TSPAN5: variants seen among roughly 807,000 people sequenced by gnomAD.
TSPAN5 encodes the protein tetraspanin 5, also known as tetraspanin-5.
Under a neutral mutation model 37.1 loss-of-function variants are expected in TSPAN5, and 10 were observed. That is an observed-to-expected ratio of 0.27 (90% CI 0.17 to 0.46). TSPAN5 has a LOEUF of 0.46. Ranked by LOEUF, TSPAN5 falls within the 20% of genes least tolerant of loss-of-function variation. TSPAN5 has a pLI of 1.00. For synonymous variants in TSPAN5, 110 were observed against 118.9 expected, an observed-to-expected ratio of 0.93 and a Z score of 0.48; for missense variants, 195 against 326.6, an observed-to-expected ratio of 0.60 and a Z score of 3.11.
chr4:98,557,509 A>G (rs1451566338), intron 1 of TSPAN5, among the ~76,000 whole-genome samples: 1 of 152,240 alleles, frequency 6.6e-6, no homozygotes, highest in Non-Finnish European at 1.5e-5. Context: ...TGAATACAAC[A>G]GTAACCATTT....
At chr4:98,477,662 CTT>C (rs61539900) in intron 5 of TSPAN5, among the ~76,000 whole-genome samples, 1,445 of 141,230 alleles carry the variant, frequency 0.01, 23 homozygotes, top group African/African-American at 0.034. Flanking sequence ...AGAGAGTTAC[CTT>C]TTTTTTTTTT....
Position 98,539,238 on chromosome 4 carries a change from A to G in TSPAN5, c.82-31510T>C, listed in dbSNP as rs548743788. On this transcript the variant is annotated intron_variant, in intron 1 of 7. Coordinates refer to ENST00000305798, the MANE Select transcript of TSPAN5 (RefSeq NM_005723.4). ...TTTCCTCAAATAATTATTTGTAAAA[A>G]TTAGAATATCATTTACAAATCTCTG... Among the ~76,000 whole-genome samples the G allele has an allele frequency of 6.4e-4, 97 of 152,288 alleles. No homozygotes were observed. The South Asian group carries it at 0.02, about 31-fold the overall frequency.
chr4:98,543,238 C>G (rs1032690324), intron 1 of TSPAN5, among the ~76,000 whole-genome samples: 1 of 152,092 alleles, frequency 6.6e-6, no homozygotes, highest in African/African-American at 2.4e-5. Context: ...AGTTTGGCAA[C>G]AGCGTTTCAA....
chr4:98,645,030 C>T (rs1757032564), intron 1 of TSPAN5, among the ~76,000 whole-genome samples: 1 of 152,224 alleles, frequency 6.6e-6, no homozygotes, highest in Non-Finnish European at 1.5e-5. Flanking sequence ...AAGTGTTCCC[C>T]AAAGTGCGAT....
chr4:98,612,957 G>A (rs1756234438), intron 1 of TSPAN5, among the ~76,000 whole-genome samples: 1 of 152,070 alleles, frequency 6.6e-6, no homozygotes, highest in Admixed American at 6.6e-5. Flanking sequence ...TTTCACCGTA[G>A]CACTTATCAC....
chr4:98,621,963 T>C (rs1272303097), intron 1 of TSPAN5, among the ~76,000 whole-genome samples: 2 of 152,230 alleles, frequency 1.3e-5, no homozygotes, highest in African/African-American at 4.8e-5. Context: ...CATTACTTCA[T>C]TCCTTTCTAT....
intron 7 of TSPAN5, among the ~76,000 whole-genome samples, chr4:98,474,012 T>C (rs1752642249): frequency 6.6e-6 from 1 of 152,358 alleles, no homozygotes; most frequent in South Asian, 2.1e-4. Context: ...TTTCACTGTC[T>C]TGATGGTATC....
rs779230860 is a variant in TSPAN5, at chr4:98,472,574, C to A, written c.755G>T (p.Cys252Phe). The A allele has an allele frequency of 6.2e-7, 1 of 1,613,784 alleles. No individual in the cohort carries two copies. Among genetic ancestry groups the A allele is most frequent in the South Asian group, 1.1e-5 (1 of 91,026 alleles). ...GIALLQIFGI[C>F]LAQNLVSDIE... ...ATCGCTAACCAAATTCTGGGCCAGG[C>A]ATATCCCAAATATCTGAGAAAGGAA... Residue 252 changes from cysteine (C) to phenylalanine (F), a missense_variant, in exon 8 of 8, where the codon TGC (cysteine) becomes TTC (phenylalanine). By Grantham distance (205) the Cys-to-Phe change is radical. Coordinates refer to ENST00000305798, the MANE Select transcript of TSPAN5 (RefSeq NM_005723.4).
At chr4:98,536,889 C>G (rs1190229852) in intron 1 of TSPAN5, among the ~76,000 whole-genome samples, 1 of 152,200 alleles carries the variant, frequency 6.6e-6, no homozygotes, top group Non-Finnish European at 1.5e-5. Flanking sequence ...TGCTGCCGTG[C>G]TGGCAGCGAG....
intron 2 of TSPAN5, among the ~76,000 whole-genome samples, chr4:98,495,031 C>T (rs550831086): frequency 1.3e-5 from 2 of 152,240 alleles, no homozygotes; most frequent in South Asian, 4.1e-4. Flanking sequence ...TCAGTGACTG[C>T]GGTAAGACAG....
intron 1 of TSPAN5, among the ~76,000 whole-genome samples, chr4:98,522,788 G>T (rs1560522468): frequency 6.6e-6 from 1 of 152,192 alleles, no homozygotes; most frequent in Non-Finnish European, 1.5e-5. Flanking sequence ...AAGGAGGGGG[G>T]ATGTCTGAAA....
intron 1 of TSPAN5, among the ~76,000 whole-genome samples, chr4:98,554,531 A>C (rs1234528593): frequency 6.6e-6 from 1 of 152,252 alleles, no homozygotes. Flanking sequence ...CACAATCATC[A>C]TTAAAATTCA....
chr4:98,620,257 G>A (rs1210345929), intron 1 of TSPAN5, among the ~76,000 whole-genome samples: 3 of 152,120 alleles, frequency 2.0e-5, no homozygotes, highest in Non-Finnish European at 4.4e-5. Context: ...CTGACCACCC[G>A]GAGGCCACCC....
chr4:98,501,678 C>T (rs908937027), intron 2 of TSPAN5, among the ~76,000 whole-genome samples: 19 of 152,068 alleles, frequency 1.2e-4, no homozygotes, highest in South Asian at 4.2e-4. Context: ...GTTTGGGATG[C>T]GGGAGGAATA....
intron 1 of TSPAN5, among the ~76,000 whole-genome samples, chr4:98,569,416 G>T (rs1323558650): frequency 6.6e-6 from 1 of 152,138 alleles, no homozygotes; most frequent in South Asian, 2.1e-4. Context: ...GGAACACACC[G>T]CCCTGCAGAA....
intron 1 of TSPAN5, among the ~76,000 whole-genome samples, chr4:98,632,266 C>A (rs980836798): frequency 3.3e-5 from 5 of 152,028 alleles, no homozygotes; most frequent in African/African-American, 4.8e-5. Flanking sequence ...TAACAACAGG[C>A]ACATCTGTAT....
intron 1 of TSPAN5, among the ~76,000 whole-genome samples, chr4:98,611,371 G>A (rs971235309): frequency 6.6e-6 from 1 of 152,118 alleles, no homozygotes; most frequent in South Asian, 2.1e-4. Flanking sequence ...AACTATTAAA[G>A]CACAAATGCA....
At chr4:98,657,165 T>G (rs764778683) in intron 1 of TSPAN5, among the ~76,000 whole-genome samples, 13 of 152,108 alleles carry the variant, frequency 8.5e-5, no homozygotes, top group Non-Finnish European at 2.9e-5. Context: ...GAACTCTTTG[T>G]CTGGCTGCTG....
chr4:98,527,062 C>T (rs1249812711), intron 1 of TSPAN5, among the ~76,000 whole-genome samples: 2 of 152,252 alleles, frequency 1.3e-5, no homozygotes, highest in East Asian at 1.9e-4. Context: ...TTATTGACAT[C>T]GACTGTGCTT....
Sources: gnomAD v4.1 joint callset for allele counts (sites outside exome capture counted in the v4.1 genomes callset) on GRCh38, gnomAD v4.1.1 for gene constraint, MANE v1.5 for transcripts, NCBI Gene and HGNC (gene_info 2026-07-23, HGNC 2026-07-21) for gene names.